Variants in GSDMC observed in about 807,000 individuals in gnomAD.
GSDMC encodes the protein gasdermin C, also known as gasdermin-C.
GSDMC carries 59 observed loss-of-function variants against 58.0 expected under a neutral mutation model. The observed-to-expected ratio is 1.02, with a 90% CI of 0.82 to 1.26. The LOEUF (loss-of-function observed/expected upper bound fraction) is 1.26, where lower values mean the gene tolerates loss of function less well. Ranked by LOEUF, GSDMC falls within the 50% of genes most tolerant of loss-of-function variation. The probability of loss-of-function intolerance (pLI) is 0.00; values close to 1 mark genes in which losing one functional copy is unlikely to be tolerated. For synonymous variants in GSDMC, 241 were observed against 220.2 expected (o/e 1.09, Z -0.83); for missense variants, 659 against 598.5 (o/e 1.10, Z -1.06).
chr8:129,709,133 C>T, the GSDMC span, among the ~76,000 whole-genome samples: 1 of 151,912 alleles, frequency 6.6e-6, no homozygotes, highest in Non-Finnish European at 1.5e-5. Flanking sequence ...TTACCCCATC[C>T]ATGGCACTTC....
chr8:129,734,834 G>A, the GSDMC span, among the ~76,000 whole-genome samples: 1 of 152,108 alleles, frequency 6.6e-6, no homozygotes, highest in Admixed American at 6.5e-5. Context: ...AATGTAAATG[G>A]GCTAAATGTT....
At position 129,752,264 on chromosome 8, in the gene GSDMC, C is replaced by G. The variant is rs1490029041; in HGVS notation, c.845-117G>C. ...ACTCCTCTATCCTCCCCTTATTTCT[C>G]ACATGTTCCATCAGTTCAGTTAAAA... On this transcript the variant is annotated intron_variant, in intron 7 of 13. Transcript: ENST00000276708. 6.2e-6 allele frequency: 5 copies of G among 804,580 alleles called. No individual in the cohort carries two copies. The Admixed American group carries it at 1.1e-4, about 17-fold the overall frequency. The allele number at this position is 804,580 out of a possible 1,614,324, so 49.8% of individuals were successfully genotyped here.
Position 129,751,540 on chromosome 8 carries a change from A to C in GSDMC, c.943+2T>G. On this transcript the variant is annotated splice_donor_variant, in intron 10 of 13. Transcript: ENST00000276708. LOFTEE classifies it high-confidence loss of function. ...CCAGGTTCCCCCTTAATAAATACTT[A>C]CTTTGCCAGAAGGGTTCCTCTATTC... 6 of 1,609,858 alleles carry C rather than the reference A, an allele frequency of 3.7e-6. No individual in the cohort carries two copies. The highest frequency in any genetic ancestry group is 5.1e-6 in the Non-Finnish European group (6 of 1,177,594).
chr8:129,726,937 C>G, the GSDMC span, among the ~76,000 whole-genome samples: 24 of 151,948 alleles, frequency 1.6e-4, no homozygotes, highest in Admixed American at 1.0e-3. Flanking sequence ...TTTTAAATGA[C>G]TACAGTGGGA....
chr8:129,735,369 C>T, the GSDMC span, among the ~76,000 whole-genome samples: 1 of 152,220 alleles, frequency 6.6e-6, no homozygotes, highest in African/African-American at 2.4e-5. Context: ...CTCAGCACCA[C>T]ATCGCACTTA....
intron 6 of GSDMC, among the ~76,000 whole-genome samples, chr8:129,758,052 A>T (rs867216648): frequency 6.6e-6 from 1 of 152,248 alleles, no homozygotes; most frequent in Non-Finnish European, 1.5e-5. Flanking sequence ...GGATGCAAAG[A>T]TAGTTCAACA....
chr8:129,720,426 C>G, the GSDMC span, among the ~76,000 whole-genome samples: 32,980 of 152,002 alleles, frequency 0.22, 3,864 homozygotes, highest in Non-Finnish European at 0.25. Flanking sequence ...GTTTTAAAAG[C>G]CAATAACTTG....
At chr8:129,724,327 A>G in the GSDMC span, among the ~76,000 whole-genome samples, 23 of 152,368 alleles carry the variant, frequency 1.5e-4, no homozygotes, top group Middle Eastern at 3.4e-3. Flanking sequence ...AGAGGAAAAT[A>G]TAAGTTAAAT....
chr8:129,761,924 T>A (rs950558268), intron 5 of GSDMC, among the ~76,000 whole-genome samples: 2 of 151,920 alleles, frequency 1.3e-5, no homozygotes, highest in Non-Finnish European at 2.9e-5. Flanking sequence ...AGTGTGAGAG[T>A]GAGTGTGGGA....
At chr8:129,735,451 ACTGT>A in the GSDMC span, among the ~76,000 whole-genome samples, 1,652 of 152,288 alleles carry the variant, frequency 0.011, 20 homozygotes, top group African/African-American at 0.038. Flanking sequence ...ATCACAACAA[ACTGT>A]CTTTCAGACC....
At chr8:129,711,423 C>A in the GSDMC span, among the ~76,000 whole-genome samples, 5 of 152,158 alleles carry the variant, frequency 3.3e-5, no homozygotes, top group East Asian at 9.6e-4. Context: ...GAGCCTCCTA[C>A]CAGATCCCAG....
the GSDMC span, among the ~76,000 whole-genome samples, chr8:129,708,831 T>C: frequency 6.6e-6 from 1 of 152,260 alleles, no homozygotes; most frequent in Non-Finnish European, 1.5e-5. Flanking sequence ...ATTGGTTTTC[T>C]CTCTGGTTCA....
the GSDMC span, among the ~76,000 whole-genome samples, chr8:129,705,874 A>C: frequency 5.9e-5 from 9 of 152,330 alleles, no homozygotes; most frequent in Admixed American, 1.3e-4. Flanking sequence ...TTGTGTCCCC[A>C]GGTCCTGGTA....
intron 6 of GSDMC, among the ~76,000 whole-genome samples, chr8:129,755,410 C>G (rs2033388800): frequency 6.6e-6 from 1 of 152,098 alleles, no homozygotes; most frequent in South Asian, 2.1e-4. Flanking sequence ...AAGACATCTC[C>G]AGACAAACAA....
chr8:129,719,843 G>C, the GSDMC span, among the ~76,000 whole-genome samples: 2 of 152,158 alleles, frequency 1.3e-5, no homozygotes, highest in Admixed American at 1.3e-4. Context: ...TACTCAGGAG[G>C]CTGAGGCACA....
chr8:129,779,016 G>T (rs1328134755), intron 1 of GSDMC, among the ~76,000 whole-genome samples: 1 of 152,212 alleles, frequency 6.6e-6, no homozygotes, highest in Non-Finnish European at 1.5e-5. Flanking sequence ...TGATGGGAAT[G>T]TAAATTAGTT....
intron 9 of GSDMC, 79 bp downstream of exon 9, chr8:129,751,783 G>A (rs1021444740): frequency 1.4e-6 from 2 of 1,434,460 alleles, no homozygotes; most frequent in Admixed American, 3.4e-5. Flanking sequence ...GCAAAGGCGA[G>A]GCAGGGGCAA....
chr8:129,730,188 T>C, the GSDMC span: 39 of 1,188,480 alleles, frequency 3.3e-5, no homozygotes, highest in South Asian at 6.5e-4. Flanking sequence ...TGTAAAACTG[T>C]ACAACATGTA....
chr8:129,765,395 G>T (rs1043787303), intron 4 of GSDMC, among the ~76,000 whole-genome samples: 5 of 152,138 alleles, frequency 3.3e-5, no homozygotes, highest in Non-Finnish European at 7.4e-5. Context: ...ATATATTTCT[G>T]ATTTTGTCAA....
Sources: allele counts gnomAD v4.1 joint callset (sites outside exome capture counted in the v4.1 genomes callset), GRCh38; gene constraint gnomAD v4.1.1; transcripts MANE v1.5; gene names NCBI Gene and HGNC (gene_info 2026-07-23, HGNC 2026-07-21).